The following FBXO34 variants were observed in gnomAD, a reference collection of about 807,000 sequenced individuals.
FBXO34 encodes the protein F-box protein 34.
Under a neutral mutation model 24.5 loss-of-function variants are expected in FBXO34, and 12 were observed. That is an observed-to-expected ratio of 0.49 (90% CI 0.31 to 0.79). The LOEUF (loss-of-function observed/expected upper bound fraction) is 0.79, where lower values mean the gene tolerates loss of function less well. FBXO34 is among the 30% of genes least tolerant of loss of function. The pLI, the probability that FBXO34 is intolerant of heterozygous loss-of-function variation, is 0.04. For missense variants in FBXO34, 823 were observed against 857.7 expected (o/e 0.96, Z 0.51); for synonymous variants, 320 against 311.9 (o/e 1.03, Z -0.27).
intron 1 of FBXO34, among the ~76,000 whole-genome samples, chr14:55,306,783 A>T (rs1339706170): frequency 2.0e-5 from 3 of 152,200 alleles, no homozygotes; most frequent in Non-Finnish European, 4.4e-5. Flanking sequence ...CAGTGAGCTT[A>T]GATTGCATCA....
the FBXO34 span, among the ~76,000 whole-genome samples, chr14:55,380,972 G>C: frequency 4.7e-5 from 7 of 149,568 alleles, no homozygotes; most frequent in African/African-American, 1.7e-4. Context: ...GTGTGAACCT[G>C]ATAACGTAAT....
chr14:55,386,158 C>G, the FBXO34 span: 1 of 1,349,628 alleles, frequency 7.4e-7, no homozygotes, highest in Non-Finnish European at 1.0e-6. Context: ...TACTGCAGAG[C>G]TCCACCCCAC....
chr14:55,370,801 C>T (rs550853679), downstream of FBXO34, among the ~76,000 whole-genome samples: 61 of 152,222 alleles, frequency 4.0e-4, no homozygotes, highest in African/African-American at 1.4e-3. Context: ...CCACCATGCC[C>T]GGCTAATTTT....
At chr14:55,309,331 C>T (rs185876502) in intron 1 of FBXO34, among the ~76,000 whole-genome samples, 1 of 152,198 alleles carries the variant, frequency 6.6e-6, no homozygotes, top group East Asian at 1.9e-4. Context: ...GGGGAGATGT[C>T]TCTACAGCAA....
chr14:55,355,518 G>A (rs1884507515), downstream of FBXO34, among the ~76,000 whole-genome samples: 1 of 152,122 alleles, frequency 6.6e-6, no homozygotes, highest in Admixed American at 6.6e-5. Context: ...AAAACATTGT[G>A]TTTGTACTGA....
the FBXO34 span, chr14:55,391,017 C>A: frequency 6.5e-7 from 1 of 1,543,166 alleles, no homozygotes; most frequent in Non-Finnish European, 8.9e-7. Context: ...TAATAAATAT[C>A]ACAAACGTTG....
the FBXO34 span, chr14:55,440,440 C>T: frequency 1.2e-6 from 2 of 1,612,928 alleles, no homozygotes; most frequent in Admixed American, 3.3e-5. Flanking sequence ...TAGGTCTCCT[C>T]CTGCTCCATG....
the FBXO34 span, among the ~76,000 whole-genome samples, chr14:55,441,384 G>T: frequency 1.3e-5 from 2 of 152,048 alleles, no homozygotes; most frequent in South Asian, 2.1e-4. Context: ...CTGGACTCTT[G>T]GTCTCAAGCC....
the FBXO34 span, chr14:55,385,961 T>G: frequency 6.2e-7 from 1 of 1,614,138 alleles, no homozygotes; most frequent in Non-Finnish European, 8.5e-7. Flanking sequence ...ACTTCTTAAG[T>G]CAATGGTCTT....
chr14:55,350,480 A>C lies in FBXO34; in HGVS notation c.90A>C (p.Gln30His). 4.3e-6 allele frequency: 7 copies of C among 1,613,866 alleles called. No individual in the cohort carries two copies. In the South Asian group the frequency reaches 7.7e-5, roughly 18 times the overall value. ...RETQRTPMNH[Q>H]KAVNDETCKA... ...CGCAGAGAACTCCTATGAACCACCA[A>C]AAGGCTGTAAATGATGAAACATGCA... is the stretch of plus-strand genomic sequence containing the variant. Residue 30 changes from glutamine (Q) to histidine (H), a missense_variant, in exon 2 of 2, where the codon CAA (glutamine) becomes CAC (histidine). By Grantham distance (24) the Gln-to-His change is conservative. Transcript: ENST00000313833.
the FBXO34 span, among the ~76,000 whole-genome samples, chr14:55,439,170 C>T: frequency 6.6e-6 from 1 of 151,642 alleles, no homozygotes; most frequent in Non-Finnish European, 1.5e-5. Flanking sequence ...AACTCCTGAC[C>T]TCAAATGAGC....
At chr14:55,386,198 A>G in the FBXO34 span, 5 of 996,614 alleles carry the variant, frequency 5.0e-6, no homozygotes, top group African/African-American at 1.6e-5. Context: ...TGCAATCTAA[A>G]CTGAAAGCAA....
intron 1 of FBXO34, among the ~76,000 whole-genome samples, chr14:55,331,629 A>T (rs1336851232): frequency 7.4e-6 from 1 of 135,320 alleles, no homozygotes; most frequent in Non-Finnish European, 1.6e-5. Context: ...ATAAAAATAT[A>T]TATAAAATAT....
intron 1 of FBXO34, among the ~76,000 whole-genome samples, chr14:55,281,280 C>T (rs1172109078): frequency 1.5e-5 from 2 of 130,314 alleles, no homozygotes; most frequent in Non-Finnish European, 3.3e-5. Flanking sequence ...AAAAAAAGCA[C>T]ATCTCAGTTC....
intron 1 of FBXO34, among the ~76,000 whole-genome samples, chr14:55,296,153 A>C (rs1337208692): frequency 6.6e-6 from 1 of 152,088 alleles, no homozygotes; most frequent in Non-Finnish European, 1.5e-5. Flanking sequence ...AATAAAGTAA[A>C]TATATTTTAA....
At chr14:55,413,458 A>G in the FBXO34 span, 1 of 197,978 alleles carries the variant, frequency 5.1e-6, no homozygotes, top group South Asian at 9.8e-5. Flanking sequence ...TTTTGGATAC[A>G]AAATGTAGTT....
the FBXO34 span, chr14:55,440,319 G>C: frequency 1.3e-6 from 2 of 1,552,770 alleles, no homozygotes; most frequent in Non-Finnish European, 1.8e-6. Flanking sequence ...AGTTTTAAGA[G>C]GAACGAAGGC....
At chr14:55,350,067 C>G (rs1358308944) in intron 1 of FBXO34, among the ~76,000 whole-genome samples, 1 of 150,414 alleles carries the variant, frequency 6.6e-6, no homozygotes, top group Non-Finnish European at 1.5e-5. Context: ...TCAGGAAGTT[C>G]AGATTTTTTT....
chr14:55,390,156 C>G, the FBXO34 span, among the ~76,000 whole-genome samples: 4 of 151,582 alleles, frequency 2.6e-5, no homozygotes, highest in African/African-American at 9.7e-5. Context: ...CCGCAATCTC[C>G]GCCTCCCAGG....
Sources: allele counts gnomAD v4.1 joint callset (sites outside exome capture counted in the v4.1 genomes callset), GRCh38; gene constraint gnomAD v4.1.1; transcripts MANE v1.5; gene names NCBI Gene and HGNC (gene_info 2026-07-23, HGNC 2026-07-21).